EPHA6: variants seen among roughly 807,000 people sequenced by gnomAD.
EPHA6 encodes the protein EPH receptor A6.
In EPHA6, 50 loss-of-function variants were observed where a neutral mutation model predicts 112.0. The observed-to-expected ratio is 0.45, with a 90% CI of 0.36 to 0.56. The LOEUF (loss-of-function observed/expected upper bound fraction) is 0.56. Among genes scored for constraint, EPHA6 ranks in the 20% least tolerant of loss-of-function variants. The pLI is 0.00. For synonymous variants in EPHA6, 529 were observed against 490.7 expected (o/e 1.08, Z -1.03); for missense variants, 1,280 against 1,417.4 (o/e 0.90, Z 1.56).
chr3:97,410,575 T>G (rs2087649286), intron 6 of EPHA6, among the ~76,000 whole-genome samples: 3 of 152,188 alleles, frequency 2.0e-5, no homozygotes, highest in Middle Eastern at 6.8e-3. Flanking sequence ...ATGTAAACTA[T>G]CATACAAAGT....
intron 10 of EPHA6, among the ~76,000 whole-genome samples, chr3:97,512,381 T>C (rs1208495330): frequency 2.0e-5 from 3 of 152,180 alleles, no homozygotes; most frequent in Non-Finnish European, 4.4e-5. Context: ...AGGACTAGCA[T>C]AGTATCATTT....
At chr3:96,840,175 T>G (rs1213001582) in intron 1 of EPHA6, among the ~76,000 whole-genome samples, 3 of 152,036 alleles carry the variant, frequency 2.0e-5, no homozygotes, top group Admixed American at 1.3e-4. Flanking sequence ...GAAGTGCAGT[T>G]GTACCATGTA....
At chr3:97,010,837 CT>C (rs1479567633) in intron 3 of EPHA6, among the ~76,000 whole-genome samples, 2 of 152,026 alleles carry the variant, frequency 1.3e-5, no homozygotes, top group African/African-American at 2.4e-5. Flanking sequence ...ATCAAAGCAT[CT>C]ATGCTAAGGA....
intron 5 of EPHA6, among the ~76,000 whole-genome samples, chr3:97,286,705 G>C (rs2080476999): frequency 6.6e-6 from 1 of 150,920 alleles, no homozygotes; most frequent in Non-Finnish European, 1.5e-5. Context: ...TTTTGCTCAG[G>C]ATTGCTTTGG....
At chr3:96,920,569 T>G (rs1256470928) in intron 2 of EPHA6, among the ~76,000 whole-genome samples, 1 of 151,974 alleles carries the variant, frequency 6.6e-6, no homozygotes, top group Non-Finnish European at 1.5e-5. Flanking sequence ...ATATTTCTAT[T>G]TAGATCCTTT....
chr3:97,445,931 C>T (rs2090328607), intron 6 of EPHA6, among the ~76,000 whole-genome samples: 2 of 152,042 alleles, frequency 1.3e-5, no homozygotes, highest in African/African-American at 4.8e-5. Context: ...GGTACAAACT[C>T]CAGAAAAGCA....
rs74914028 is a variant in EPHA6 at position 97,709,982 on chromosome 3, C to A, written c.2785-10279C>A. ...ATAAATTACCCAGTCTGAAGTAGTT[C>A]TTTATAGCAATGTGAAAACAGACTA... On this transcript the variant is annotated intron_variant, in intron 14 of 17. Transcript: ENST00000389672. 4.1e-3 allele frequency among the ~76,000 whole-genome samples: 628 copies of A among 152,260 alleles called. 14 individuals carry two copies. In the East Asian group the frequency reaches 0.077, roughly 19 times the overall value.
chr3:97,394,626 A>G (rs2086599983), intron 5 of EPHA6, among the ~76,000 whole-genome samples: 1 of 151,874 alleles, frequency 6.6e-6, no homozygotes. Flanking sequence ...ATCTGAATAG[A>G]TATTTTTGAA....
At chr3:97,178,186 A>G (rs1226446034) in intron 3 of EPHA6, among the ~76,000 whole-genome samples, 1 of 151,206 alleles carries the variant, frequency 6.6e-6, no homozygotes, top group Non-Finnish European at 1.5e-5. Context: ...TAACAATTTA[A>G]CACTATTTGC....
chr3:96,983,631 A>G (rs193245012), intron 2 of EPHA6, among the ~76,000 whole-genome samples: 11 of 152,198 alleles, frequency 7.2e-5, no homozygotes, highest in African/African-American at 2.7e-4. Context: ...TCTTCTGGAT[A>G]ATGTCCTGCA....
intron 13 of EPHA6, among the ~76,000 whole-genome samples, chr3:97,628,335 C>T (rs539130626): frequency 6.6e-6 from 1 of 151,838 alleles, no homozygotes; most frequent in Non-Finnish European, 1.5e-5. Flanking sequence ...AAAATAAGTT[C>T]AATGATAGGC....
rs78573806 is a variant in EPHA6 at position 97,494,189 on chromosome 3, C to T, written c.2200+10130C>T. On this transcript the variant is annotated intron_variant, in intron 10 of 17. Coordinates refer to ENST00000389672, the MANE Select transcript of EPHA6 (RefSeq NM_001080448.3). ...TTAACATCAATGTAACTTGTGTATCCACTGTTCCCTGATTATAATGGAAAA... is the reference window on the plus strand; with the variant it reads ...TTAACATCAATGTAACTTGTGTATCTACTGTTCCCTGATTATAATGGAAAA... Among the ~76,000 whole-genome samples, 680 of 152,198 alleles carry T rather than the reference C, an allele frequency of 4.5e-3. 5 individuals carry two copies. Among genetic ancestry groups the T allele is most frequent in the African/African-American group, 0.015 (614 of 41,534 alleles).
chr3:97,238,963 T>G (rs1040831848), intron 4 of EPHA6, among the ~76,000 whole-genome samples: 22 of 152,092 alleles, frequency 1.4e-4, no homozygotes, highest in Middle Eastern at 3.4e-3. Context: ...TTTTAACTAT[T>G]AACTTTAAAA....
intron 14 of EPHA6, among the ~76,000 whole-genome samples, chr3:97,689,802 C>G (rs2032531720): frequency 6.6e-6 from 1 of 152,150 alleles, no homozygotes; most frequent in Non-Finnish European, 1.5e-5. Flanking sequence ...CATTCCCCAT[C>G]CCCTTCCCGC....
chr3:97,373,190 C>A (rs934993448), intron 5 of EPHA6, among the ~76,000 whole-genome samples: 1 of 152,098 alleles, frequency 6.6e-6, no homozygotes, highest in African/African-American at 2.4e-5. Flanking sequence ...AGTATATTCA[C>A]AATCCCTCCT....
chr3:97,418,135 A>G (rs993647070), intron 6 of EPHA6, among the ~76,000 whole-genome samples: 10 of 151,596 alleles, frequency 6.6e-5, no homozygotes, highest in African/African-American at 2.4e-4. Flanking sequence ...AAACTTATAA[A>G]ATTAAATATA....
intron 7 of EPHA6, among the ~76,000 whole-genome samples, chr3:97,465,267 G>T (rs2091015154): frequency 6.6e-6 from 1 of 151,828 alleles, no homozygotes; most frequent in Non-Finnish European, 1.5e-5. Flanking sequence ...TCAAAATTTT[G>T]TGAAAAAATC....
intron 3 of EPHA6, among the ~76,000 whole-genome samples, chr3:97,077,426 C>T (rs1432995394): frequency 1.3e-5 from 2 of 152,080 alleles, no homozygotes; most frequent in Non-Finnish European, 2.9e-5. Flanking sequence ...TTCTAGGGTA[C>T]ATGTGCACAA....
At chr3:97,624,617 A>G (rs2093840742) in intron 13 of EPHA6, among the ~76,000 whole-genome samples, 1 of 151,598 alleles carries the variant, frequency 6.6e-6, no homozygotes. Context: ...AAGTTTGAGG[A>G]GGATTTGTGT....
Sources: allele counts gnomAD v4.1 joint callset (sites outside exome capture counted in the v4.1 genomes callset), GRCh38; gene constraint gnomAD v4.1.1; transcripts MANE v1.5; gene names NCBI Gene and HGNC (gene_info 2026-07-23, HGNC 2026-07-21).